Variants in MTRR observed in about 807,000 individuals in gnomAD.
The protein encoded by MTRR is 5-methyltetrahydrofolate-homocysteine methyltransferase reductase.
MTRR carries 63 observed loss-of-function variants against 79.2 expected under a neutral mutation model. That is an observed-to-expected ratio of 0.80 (90% CI 0.65 to 0.98). The LOEUF (loss-of-function observed/expected upper bound fraction) is 0.98. Ranked by LOEUF, MTRR falls within the 50% of genes least tolerant of loss-of-function variation. The pLI is 0.00. For synonymous variants in MTRR, 355 were observed against 313.3 expected, an observed-to-expected ratio of 1.13 and a Z score of -1.41; for missense variants, 895 against 839.6, an observed-to-expected ratio of 1.07 and a Z score of -0.82.
intron 2 of MTRR, among the ~76,000 whole-genome samples, chr5:7,871,302 G>A (rs147825851): frequency 2.1e-4 from 32 of 152,260 alleles, no homozygotes; most frequent in African/African-American, 7.2e-4. Context: ...AGGCCTTGCC[G>A]TGCGTGTTAG....
At chr5:7,896,199 G>A (rs1738493635) in intron 12 of MTRR, among the ~76,000 whole-genome samples, 1 of 151,648 alleles carries the variant, frequency 6.6e-6, no homozygotes, top group Non-Finnish European at 1.5e-5. Context: ...GGTAGTGACA[G>A]AGATCCAATT....
At chr5:7,877,187 G>A (rs1579648701) in intron 4 of MTRR, among the ~76,000 whole-genome samples, 1 of 152,156 alleles carries the variant, frequency 6.6e-6, no homozygotes, top group Admixed American at 6.5e-5. Context: ...TATTTCCACA[G>A]CCCTGCCACA....
chr5:7,863,721 AAATT>A (rs1451911526), intron 2 of MTRR, among the ~76,000 whole-genome samples: 1 of 152,244 alleles, frequency 6.6e-6, no homozygotes, highest in Non-Finnish European at 1.5e-5. Flanking sequence ...GAAAATAACT[AAATT>A]AAACTTCTGT....
intron 2 of MTRR, 60 bp downstream of exon 2, chr5:7,870,983 T>A: frequency 6.2e-7 from 1 of 1,601,764 alleles, no homozygotes; most frequent in Admixed American, 1.7e-5. Flanking sequence ...GGTTGGGAAG[T>A]GATATTTATG....
chr5:7,863,007 CA>C (rs1746666129), intron 2 of MTRR: 1 of 1,605,748 alleles, frequency 6.2e-7, no homozygotes, highest in Non-Finnish European at 8.5e-7. Flanking sequence ...CCTAAAAAAT[CA>C]TAAGTGCAAA....
intron 1 of MTRR, chr5:7,856,979 C>G (rs1746265263): frequency 1.3e-5 from 2 of 152,108 alleles, no homozygotes; most frequent in South Asian, 4.1e-4. Flanking sequence ...CACACACACT[C>G]ACAACACACA....
At chr5:7,880,968 A>G (rs575211751) in intron 5 of MTRR, among the ~76,000 whole-genome samples, 1 of 152,238 alleles carries the variant, frequency 6.6e-6, no homozygotes, top group South Asian at 2.1e-4. Flanking sequence ...TGCAGAAGCC[A>G]TTGTCAAGTA....
rs766301954 is a variant in MTRR at position 7,886,745 on chromosome 5, G to C, written c.1146+42G>C. ...TCTTCAGGTAACTATTTTAAAATAT[G>C]CTTAGCTTTATTTAGGATTGATTAA... On this transcript the variant is annotated intron_variant, in intron 8 of 14. Transcript: ENST00000440940. 4.8e-6 allele frequency: 7 copies of C among 1,467,322 alleles called. No individual in the cohort carries two copies. In the East Asian group the frequency reaches 1.6e-4, roughly 33 times the overall value. 90.9% of individuals were successfully genotyped at this position (1,467,322 alleles called of 1,614,324 possible).
At chr5:7,893,256 G>C in intron 11 of MTRR, 1 of 288,812 alleles carries the variant, frequency 3.5e-6, no homozygotes, top group Non-Finnish European at 6.6e-6. Context: ...GGTGATGAGA[G>C]ACAGTCTCAT....
chr5:7,862,901 T>G, intron 2 of MTRR: 1 of 1,614,082 alleles, frequency 6.2e-7, no homozygotes, highest in Non-Finnish European at 8.5e-7. Flanking sequence ...AGCCCAATCT[T>G]CACATATCTA....
At chr5:7,885,608 A>G (rs1163244019) in intron 6 of MTRR, 93 bp from the exon 7 acceptor site, 5 of 1,197,178 alleles carry the variant, frequency 4.2e-6, no homozygotes, top group Non-Finnish European at 6.0e-6. Flanking sequence ...TATTAAAATC[A>G]TAATATTGAA....
upstream of MTRR, chr5:7,850,995 G>C (rs773622416): frequency 1.6e-6 from 2 of 1,286,908 alleles, no homozygotes; most frequent in East Asian, 3.0e-5. Context: ...GCGTGGACGC[G>C]GTGGTCTCCT....
chr5:7,869,307 C>G, intron 1 of MTRR, 92 bp downstream of exon 1: 1 of 1,485,694 alleles, frequency 6.7e-7, no homozygotes, highest in Non-Finnish European at 9.2e-7. Flanking sequence ...GGGTGGGCAG[C>G]CGGCTTGCGC....
chr5:7,900,251 C>T lies in MTRR; in HGVS notation c.*193C>T, dbSNP rs1406172945. On this transcript the variant is annotated 3_prime_UTR_variant, in exon 15 of 15. Coordinates refer to ENST00000440940, the MANE Select transcript of MTRR (RefSeq NM_002454.3). ...TTTGATTTTACGTATCTTCTATCTA[C>T]GCCCTTCCTGTGCCTGTGACTCTCC... 9.3e-6 allele frequency: 6 copies of T among 646,864 alleles called. No individual in the cohort carries two copies. The highest frequency in any genetic ancestry group is 6.1e-5 in the Admixed American group (2 of 32,910). 40.1% of individuals were successfully genotyped at this position (646,864 alleles called of 1,614,324 possible).
chr5:7,899,395 GC>G (rs1250836627), intron 14 of MTRR, among the ~76,000 whole-genome samples: 3 of 152,144 alleles, frequency 2.0e-5, no homozygotes, highest in Non-Finnish European at 4.4e-5. Context: ...GAGGGGTACC[GC>G]CCCCTTCTTG....
At position 7,873,459 on chromosome 5, in the gene MTRR, T is replaced by C; in HGVS notation, c.216T>C (p.Phe72=). 1 of 1,614,170 alleles carries C rather than the reference T, an allele frequency of 6.2e-7. No homozygotes were observed. Among genetic ancestry groups the C allele is most frequent in the Non-Finnish European group, 8.5e-7 (1 of 1,180,012 alleles). The change falls in exon 3 of 15, where the codon TTT becomes TTC. Residue 72 remains phenylalanine, a synonymous_variant. Coordinates refer to ENST00000440940, the MANE Select transcript of MTRR (RefSeq NM_002454.3). ...TGDPPDTARK[F]VKEIQNQTLP... The stretch of plus-strand genomic sequence containing the variant: ...ACCCACCCGACACAGCCCGCAAGTT[T>C]GTTAAGGAAATACAGAACCAAACAC...
intron 4 of MTRR, 44 bp from the exon 5 acceptor site, chr5:7,877,900 A>G: frequency 6.2e-7 from 1 of 1,604,832 alleles, no homozygotes; most frequent in Non-Finnish European, 8.5e-7. Context: ...TCAGATGGAG[A>G]ACTTAGGCAT....
intron 12 of MTRR, 78 bp from the exon 13 acceptor site, chr5:7,896,783 TTGG>T (rs756687316): frequency 9.5e-7 from 1 of 1,057,578 alleles, no homozygotes; most frequent in Non-Finnish European, 1.5e-6. Flanking sequence ...TCTGAGTTTG[TTGG>T]TGGTAGTTCC....
Position 7,889,118 on chromosome 5 carries a change from CTA to C in MTRR, c.1173_1174del (p.Thr392GlnfsTer2), listed in dbSNP as rs1737116358. The C allele has an allele frequency of 6.2e-7, 1 of 1,613,992 alleles. No individual in the cohort carries two copies. Among genetic ancestry groups the C allele is most frequent in the Admixed American group, 1.7e-5 (1 of 60,008 alleles). ...KKAFLRALVD[Y>X]TSDSAEKRRL... ...AGGCATTTTTGCGAGCCCTTGTGGA[CTA>C]TACCAGTGACAGTGCTGAAAAGCGC... is the stretch of plus-strand genomic sequence containing the variant. On this transcript the variant is annotated frameshift_variant, in exon 9 of 15. Coordinates refer to ENST00000440940, the MANE Select transcript of MTRR (RefSeq NM_002454.3). LOFTEE classifies it high-confidence loss of function.
Sources: allele counts gnomAD v4.1 joint callset (sites outside exome capture counted in the v4.1 genomes callset), GRCh38; gene constraint gnomAD v4.1.1; transcripts MANE v1.5; gene names NCBI Gene and HGNC (gene_info 2026-07-23, HGNC 2026-07-21).